TMPRSS3: variants seen among roughly 807,000 people sequenced by gnomAD.
The protein encoded by TMPRSS3 is transmembrane serine protease 3, also known as transmembrane protease serine 3.
TMPRSS3 carries 55 observed loss-of-function variants against 59.6 expected under a neutral mutation model. The observed-to-expected ratio is 0.92, with a 90% CI of 0.74 to 1.16. TMPRSS3 has a LOEUF of 1.16. Among genes scored for constraint, TMPRSS3 ranks in the 50% most tolerant of loss-of-function variants. The pLI is 0.00. For synonymous variants in TMPRSS3, 257 were observed against 237.7 expected, an observed-to-expected ratio of 1.08 and a Z score of -0.75; for missense variants, 596 against 579.4, an observed-to-expected ratio of 1.03 and a Z score of -0.29.
intron 2 of TMPRSS3, among the ~76,000 whole-genome samples, chr21:42,391,932 CAGG>C (rs1325294835): frequency 2.0e-5 from 3 of 152,206 alleles, no homozygotes; most frequent in Non-Finnish European, 4.4e-5. Context: ...CTCTGGGCAG[CAGG>C]AGAATTCCCA....
chr21:42,394,347 A>G, intron 2 of TMPRSS3, among the ~76,000 whole-genome samples: 1 of 152,166 alleles, frequency 6.6e-6, no homozygotes, highest in East Asian at 1.9e-4. Context: ...ATAAGAAAAA[A>G]TTTATAAAAA....
At position 42,375,700 on chromosome 21, in the gene TMPRSS3, A is replaced by T. The variant is rs2052412722; in HGVS notation, c.1344+16T>A. On this transcript the variant is annotated intron_variant, in intron 12 of 12. Coordinates refer to ENST00000644384, the MANE Select transcript of TMPRSS3 (RefSeq NM_001256317.3). ...AAGCCAGGGACAACGTGAGCTGGGG[A>T]GGGCGCCGCACCCACCTCCATCTGC... 1 of 1,613,402 alleles carries T rather than the reference A, an allele frequency of 6.2e-7. No homozygotes were observed. Among genetic ancestry groups the T allele is most frequent in the Non-Finnish European group, 8.5e-7 (1 of 1,179,950 alleles).
intron 5 of TMPRSS3, among the ~76,000 whole-genome samples, chr21:42,386,062 C>T (rs1270828250): frequency 2.0e-5 from 3 of 152,170 alleles, no homozygotes; most frequent in Non-Finnish European, 2.9e-5. Context: ...AGCGATTCCA[C>T]GAACACCAGA....
intron 5 of TMPRSS3, among the ~76,000 whole-genome samples, chr21:42,386,953 T>C (rs920218450): frequency 2.6e-5 from 4 of 152,106 alleles, no homozygotes; most frequent in Admixed American, 6.5e-5. Flanking sequence ...AACAAGCCTA[T>C]AGAGAAGAAA....
intron 2 of TMPRSS3, among the ~76,000 whole-genome samples, chr21:42,393,760 G>A (rs949255220): frequency 1.3e-5 from 2 of 152,204 alleles, no homozygotes; most frequent in Non-Finnish European, 2.9e-5. Context: ...CTGTTATGGC[G>A]TGAAAGCAGC....
intron 10 of TMPRSS3, among the ~76,000 whole-genome samples, chr21:42,379,614 G>A (rs1109352): frequency 0.31 from 47,284 of 152,000 alleles, 7,842 homozygotes; most frequent in African/African-American, 0.42. Context: ...AGGGTGGCCC[G>A]GGCTTCATTT....
At chr21:42,383,222 TGG>T (rs2052567042) in intron 7 of TMPRSS3, 24 bp from the exon 8 acceptor site, 1 of 1,613,628 alleles carries the variant, frequency 6.2e-7, no homozygotes, top group African/African-American at 1.3e-5. Flanking sequence ...CAAAGGCTTG[TGG>T]GTCCACCCTG....
rs2052436230 is a variant in TMPRSS3, at chr21:42,376,698, G to A, written c.1049-15C>T. ...GGAGGCGTCACCTGCTTCAAAGTGA[G>A]TGAGGGGATGTGTGTGAGAAGGAAG... is the stretch of plus-strand genomic sequence containing the variant. On this transcript the variant is annotated splice_polypyrimidine_tract_variant and intron_variant, in intron 10 of 12. Transcript: ENST00000644384. 2 of 1,613,858 alleles carry A rather than the reference G, an allele frequency of 1.2e-6. No individual in the cohort carries two copies. Among genetic ancestry groups the A allele is most frequent in the Non-Finnish European group, 8.5e-7 (1 of 1,180,026 alleles).
In TMPRSS3 at chr21:42,372,617, G is replaced by A. The variant is rs1266212706; in HGVS notation, c.*145C>T. 1 of 839,598 alleles carries A rather than the reference G, an allele frequency of 1.2e-6. No individual in the cohort carries two copies. Among genetic ancestry groups the A allele is most frequent in the Non-Finnish European group, 2.1e-6 (1 of 474,524 alleles). 52.0% of individuals were successfully genotyped at this position (839,598 alleles called of 1,614,324 possible). ...TTGTGCTGGAATCAGATGGAAGGGT[G>A]CCTCTTTCGGGCCTGCTACTGGTGC... On this transcript the variant is annotated 3_prime_UTR_variant, in exon 13 of 13. Transcript: ENST00000644384.
At chr21:42,375,683 G>A (rs776752189) in intron 12 of TMPRSS3, 33 bp downstream of exon 12, 1 of 1,613,560 alleles carries the variant, frequency 6.2e-7, no homozygotes, top group Non-Finnish European at 8.5e-7. Context: ...AAAAGCCAGG[G>A]ACAACGTGAG....
chr21:42,384,691 C>A (rs530459174), intron 6 of TMPRSS3, among the ~76,000 whole-genome samples: 11 of 152,208 alleles, frequency 7.2e-5, no homozygotes, highest in African/African-American at 2.2e-4. Context: ...AGGTGGGTCC[C>A]GGGGTGCTTA....
In TMPRSS3 at chr21:42,388,264, G is replaced by C; in HGVS notation, c.446+139C>G. ...TTGCCTGTGAAGTGAGGATGATATC[G>C]GGCATCCTAAGGTGGATGTGAGGAT... On this transcript the variant is annotated intron_variant, in intron 5 of 12. Coordinates refer to ENST00000644384, the MANE Select transcript of TMPRSS3 (RefSeq NM_001256317.3). The surrounding 1 kb of genome is among the most constrained non-coding windows in gnomAD (Gnocchi z 5.1). 8.6e-7 allele frequency: 1 copy of C among 1,159,174 alleles called. No homozygotes were observed. The highest frequency in any genetic ancestry group is 1.3e-6 in the Non-Finnish European group (1 of 790,284). The allele number at this position is 1,159,174 out of a possible 1,614,324, so 71.8% of individuals were successfully genotyped here. A position where few individuals can be genotyped will look rare whatever the true frequency, so the allele number is the denominator to read the frequency against.
intron 12 of TMPRSS3, among the ~76,000 whole-genome samples, chr21:42,373,235 T>C (rs1366909457): frequency 6.6e-6 from 1 of 152,176 alleles, no homozygotes; most frequent in East Asian, 1.9e-4. Flanking sequence ...AATGGACAAC[T>C]GAAACGCACA....
Position 42,388,966 on chromosome 21 carries a change from G to T in TMPRSS3, c.285C>A (p.Val95=), listed in dbSNP as rs1326455250. The change falls in exon 4 of 13, where the codon GTC becomes GTA. Residue 95 remains valine (V), a synonymous_variant. Transcript: ENST00000644384. This position sits in a 1 kb window ranked among gnomAD's most constrained non-coding sequence, Gnocchi z 5.1. The part of the protein sequence containing the change: ...CIELIARCDG[V]SDCKDGEDEY... ...CGTCCTCCCCGTCTTTGCAATCCGAGACTCCGTCACATCGAGCTATCAGCT... is the reference window on the plus strand; with the variant it reads ...CGTCCTCCCCGTCTTTGCAATCCGATACTCCGTCACATCGAGCTATCAGCT... 3 of 1,614,038 alleles carry T rather than the reference G, an allele frequency of 1.9e-6. No homozygotes were observed. The highest frequency in any genetic ancestry group is 2.5e-6 in the Non-Finnish European group (3 of 1,180,042).
chr21:42,389,689 C>T (rs1274840654), intron 3 of TMPRSS3, among the ~76,000 whole-genome samples: 4 of 152,240 alleles, frequency 2.6e-5, no homozygotes, highest in African/African-American at 9.6e-5. Context: ...CCACTCCTAA[C>T]CGGGCAGGTT....
chr21:42,394,645 C>T (rs1421812500), intron 2 of TMPRSS3, among the ~76,000 whole-genome samples: 1 of 152,152 alleles, frequency 6.6e-6, no homozygotes, highest in African/African-American at 2.4e-5. Flanking sequence ...GGGTGACCCC[C>T]ACTCCCACTT....
chr21:42,395,853 C>T (rs546942057), intron 1 of TMPRSS3, 89 bp downstream of exon 1: 79 of 450,328 alleles, frequency 1.8e-4, no homozygotes, highest in African/African-American at 1.2e-3. Flanking sequence ...TGCTTTTTTG[C>T]GATTGTTTTC....
intron 9 of TMPRSS3, 112 bp downstream of exon 9, chr21:42,381,953 A>C (rs2052536919): frequency 7.4e-7 from 1 of 1,351,410 alleles, no homozygotes; most frequent in Admixed American, 1.7e-5. Flanking sequence ...TGGAATTATT[A>C]ATATCTGACA....
chr21:42,376,931 G>A (rs180878237), intron 10 of TMPRSS3, among the ~76,000 whole-genome samples: 2 of 152,298 alleles, frequency 1.3e-5, no homozygotes, highest in East Asian at 3.9e-4. Context: ...TCAAGGCAGG[G>A]CCACCGACTC....
Sources: gnomAD v4.1 joint callset for allele counts (sites outside exome capture counted in the v4.1 genomes callset) on GRCh38, gnomAD v4.1.1 for gene constraint, Gnocchi (gnomAD v3.1) non-coding constraint, MANE v1.5 for transcripts, NCBI Gene and HGNC (gene_info 2026-07-23, HGNC 2026-07-21) for gene names.